Variants in PLCB4 observed in about 807,000 individuals in gnomAD.
The protein encoded by PLCB4 is 1-phosphatidylinositol 4,5-bisphosphate phosphodiesterase beta-4.
Under a neutral mutation model 178.8 loss-of-function variants are expected in PLCB4, and 77 were observed. The ratio of observed to expected loss-of-function variants is 0.43; its 90% CI spans 0.36 to 0.52. The LOEUF (loss-of-function observed/expected upper bound fraction) is 0.52, where lower values mean the gene tolerates loss of function less well. Ranked by LOEUF, PLCB4 falls within the 20% of genes least tolerant of loss-of-function variation. The pLI, the probability that PLCB4 is intolerant of heterozygous loss-of-function variation, is 0.00. For synonymous variants in PLCB4, 496 were observed against 490.8 expected (o/e 1.01, Z -0.14); for missense variants, 1,024 against 1,453.4 (o/e 0.70, Z 4.80).
chr20:9,327,502 C>T (rs6056547), intron 4 of PLCB4, among the ~76,000 whole-genome samples: 141,608 of 152,108 alleles, frequency 0.93, 65,978 homozygotes, highest in East Asian at 1. Context: ...ACTGGCCGGG[C>T]GCGGTGGCTC....
intron 3 of PLCB4, among the ~76,000 whole-genome samples, chr20:9,220,951 T>C (rs556056135): frequency 2.6e-5 from 4 of 152,300 alleles, no homozygotes; most frequent in East Asian, 3.9e-4. Flanking sequence ...GGTACAACAA[T>C]AGCAAGCACA....
intron 1 of PLCB4, among the ~76,000 whole-genome samples, chr20:9,088,031 C>T (rs1384034940): frequency 3.9e-5 from 6 of 152,182 alleles, no homozygotes; most frequent in Admixed American, 3.3e-4. Flanking sequence ...TCTACTGGGG[C>T]TCTGTTGCCT....
intron 25 of PLCB4, among the ~76,000 whole-genome samples, chr20:9,414,795 A>G (rs2040127987): frequency 6.6e-6 from 1 of 152,240 alleles, no homozygotes; most frequent in South Asian, 2.1e-4. Context: ...CTAATTGCAA[A>G]TGAAACAAAA....
At chr20:9,375,703 T>G (rs2036609650) in intron 12 of PLCB4, among the ~76,000 whole-genome samples, 1 of 152,180 alleles carries the variant, frequency 6.6e-6, no homozygotes, top group South Asian at 2.1e-4. Context: ...CCATGAACAC[T>G]GGAAAGGACA....
chr20:9,455,113 C>A (rs142063039), intron 33 of PLCB4, among the ~76,000 whole-genome samples: 102 of 152,216 alleles, frequency 6.7e-4, no homozygotes, highest in Non-Finnish European at 1.2e-3. Context: ...AAATTAATTT[C>A]TCATATTTAA....
chr20:9,109,029 A>G (rs907170660), intron 2 of PLCB4, among the ~76,000 whole-genome samples: 1 of 152,108 alleles, frequency 6.6e-6, no homozygotes, highest in African/African-American at 2.4e-5. Flanking sequence ...CCCCCCACCA[A>G]AAAAAAGTGT....
chr20:9,353,821 C>T (rs539646941), intron 7 of PLCB4, among the ~76,000 whole-genome samples: 7 of 152,346 alleles, frequency 4.6e-5, no homozygotes, highest in African/African-American at 1.7e-4. Context: ...TGGCCCAAGT[C>T]ATGTTCTGAT....
At chr20:9,388,749 A>G (rs552570794) in intron 15 of PLCB4, among the ~76,000 whole-genome samples, 1 of 152,296 alleles carries the variant, frequency 6.6e-6, no homozygotes, top group Non-Finnish European at 1.5e-5. Flanking sequence ...AGATGTCTAG[A>G]TGCTATGCAT....
At chr20:9,133,614 G>C (rs561163165) in intron 2 of PLCB4, among the ~76,000 whole-genome samples, 24 of 152,250 alleles carry the variant, frequency 1.6e-4, no homozygotes, top group African/African-American at 5.8e-4. Flanking sequence ...TGTGAGTTCA[G>C]GGTGAGCTAG....
Position 9,476,761 on chromosome 20 carries a change from C to T in PLCB4, c.3532+8C>T, listed in dbSNP as rs1442221559. ...CAGTGTCCCAAACGCAAGGTAGGAC[C>T]GAAACTCTGATAAGCAAGACGTTGC... On this transcript the variant is annotated splice_region_variant and intron_variant, in intron 39 of 39. Coordinates refer to ENST00000378473, the MANE Select transcript of PLCB4 (RefSeq NM_001377142.1). 7 of 1,598,728 alleles carry T rather than the reference C, an allele frequency of 4.4e-6. No homozygotes were observed. Among genetic ancestry groups the T allele is most frequent in the East Asian group, 2.2e-5 (1 of 44,778 alleles).
chr20:9,340,256 A>G (rs572897796), intron 7 of PLCB4, among the ~76,000 whole-genome samples: 4 of 152,154 alleles, frequency 2.6e-5, no homozygotes, highest in Non-Finnish European at 5.9e-5. Flanking sequence ...GGCAGAATTG[A>G]GTTCTGTTGA....
intron 33 of PLCB4, among the ~76,000 whole-genome samples, 158 bp downstream of exon 33, chr20:9,453,620 A>G (rs184389913): frequency 1.3e-5 from 2 of 152,292 alleles, no homozygotes; most frequent in South Asian, 2.1e-4. Context: ...TTCATTTTAA[A>G]TGCTCTAACA....
At chr20:9,103,284 A>G (rs1422877345) in intron 2 of PLCB4, among the ~76,000 whole-genome samples, 1 of 152,176 alleles carries the variant, frequency 6.6e-6, no homozygotes, top group Non-Finnish European at 1.5e-5. Flanking sequence ...TATCATAACT[A>G]TTTGCTATAT....
chr20:9,384,364 G>A lies in PLCB4; in HGVS notation c.1017G>A (p.Gly339=). Reference sequence around the variant, plus strand: ...ATCTCACTGGCAGACAGTTCGGCGGGAAGTCTTCGGTAGAAATGTACAGAC... The same window carrying A: ...ATCTCACTGGCAGACAGTTCGGCGGAAAGTCTTCGGTAGAAATGTACAGAC... ...NTYLTGRQFG[G]KSSVEMYRQV... The change falls in exon 14 of 40, where the codon GGG becomes GGA. Residue 339 remains glycine (G), a synonymous_variant. Coordinates refer to ENST00000378473, the MANE Select transcript of PLCB4 (RefSeq NM_001377142.1). The A allele has an allele frequency of 1.2e-6, 2 of 1,614,224 alleles. No individual in the cohort carries two copies. Among genetic ancestry groups the A allele is most frequent in the East Asian group, 4.5e-5 (2 of 44,886 alleles).
intron 3 of PLCB4, among the ~76,000 whole-genome samples, chr20:9,232,049 C>G (rs1393798045): frequency 6.6e-6 from 1 of 152,002 alleles, no homozygotes; most frequent in Non-Finnish European, 1.5e-5. Flanking sequence ...AGGCACCTCA[C>G]AAAATAATAA....
intron 17 of PLCB4, among the ~76,000 whole-genome samples, chr20:9,391,371 G>A (rs752063753): frequency 1.3e-5 from 2 of 152,080 alleles, no homozygotes; most frequent in Non-Finnish European, 1.5e-5. Flanking sequence ...GATGTTATGA[G>A]CTCCAAGGCA....
chr20:9,316,225 C>T (rs777801172), intron 4 of PLCB4, among the ~76,000 whole-genome samples: 3 of 152,022 alleles, frequency 2.0e-5, no homozygotes, highest in Non-Finnish European at 2.9e-5. Context: ...CATTCTCAGG[C>T]CCATCCCACG....
At chr20:9,355,267 TA>T (rs1433165236) in intron 7 of PLCB4, among the ~76,000 whole-genome samples, 1 of 152,058 alleles carries the variant, frequency 6.6e-6, no homozygotes, top group East Asian at 1.9e-4. Flanking sequence ...CCATGCTTTT[TA>T]AAATTTTTTT....
At chr20:9,363,184 A>G (rs1430987508) in intron 8 of PLCB4, among the ~76,000 whole-genome samples, 1 of 152,160 alleles carries the variant, frequency 6.6e-6, no homozygotes, top group Non-Finnish European at 1.5e-5. Context: ...AACCTATATG[A>G]AAAGAATAGT....
Sources: allele counts gnomAD v4.1 joint callset (sites outside exome capture counted in the v4.1 genomes callset), GRCh38; gene constraint gnomAD v4.1.1; transcripts MANE v1.5; gene names NCBI Gene and HGNC (gene_info 2026-07-23, HGNC 2026-07-21).